ARMH3: variants seen among roughly 807,000 people sequenced by gnomAD.
The protein encoded by ARMH3 is armadillo-like helical domain-containing protein 3.
ARMH3 carries 60 observed loss-of-function variants against 99.1 expected under a neutral mutation model. The observed-to-expected ratio is 0.61, with a 90% CI of 0.49 to 0.75. ARMH3 has a LOEUF of 0.75. Ranked by LOEUF, ARMH3 falls within the 30% of genes least tolerant of loss-of-function variation. ARMH3 has a pLI of 0.00. For missense variants in ARMH3, 679 were observed against 843.1 expected (o/e 0.81, Z 2.41); for synonymous variants, 285 against 292.8 (o/e 0.97, Z 0.27).
intron 23 of ARMH3, among the ~76,000 whole-genome samples, chr10:101,931,925 T>G (rs1356850928): frequency 6.6e-6 from 1 of 152,094 alleles, no homozygotes; most frequent in Non-Finnish European, 1.5e-5. Flanking sequence ...TTCATCAAAA[T>G]TAAAAACTTG....
At chr10:101,910,629 G>A (rs1258336020) in intron 23 of ARMH3, among the ~76,000 whole-genome samples, 4 of 151,976 alleles carry the variant, frequency 2.6e-5, no homozygotes, top group Non-Finnish European at 4.4e-5. Context: ...CTACTTGGGA[G>A]GCTGAGGCAT....
At chr10:101,935,658 T>C (rs1308251471) in intron 23 of ARMH3, among the ~76,000 whole-genome samples, 2 of 152,216 alleles carry the variant, frequency 1.3e-5, no homozygotes. Flanking sequence ...TCACAGCTGT[T>C]TGCTGTCTAA....
At chr10:101,987,248 T>C (rs1267485763) in intron 19 of ARMH3, among the ~76,000 whole-genome samples, 1 of 152,106 alleles carries the variant, frequency 6.6e-6, no homozygotes, top group Non-Finnish European at 1.5e-5. Context: ...TGCTCTATTC[T>C]CCAAACATAC....
intron 23 of ARMH3, among the ~76,000 whole-genome samples, chr10:101,910,116 T>A (rs1350474099): frequency 6.6e-6 from 1 of 152,110 alleles, no homozygotes; most frequent in Admixed American, 6.6e-5. Context: ...CCCTGGCAAG[T>A]CAAAAACACT....
chr10:101,967,183 G>A (rs529480299), intron 20 of ARMH3, among the ~76,000 whole-genome samples: 1 of 152,176 alleles, frequency 6.6e-6, no homozygotes, highest in East Asian at 1.9e-4. Context: ...TAATTTCACA[G>A]TGACTAATAA....
At chr10:101,934,259 T>C (rs578000902) in intron 23 of ARMH3, among the ~76,000 whole-genome samples, 2 of 152,202 alleles carry the variant, frequency 1.3e-5, no homozygotes, top group Non-Finnish European at 2.9e-5. Context: ...TGCGCACCCA[T>C]GTATGAGGGG....
chr10:101,848,275 G>A (rs1001632239), intron 25 of ARMH3, among the ~76,000 whole-genome samples: 2 of 152,098 alleles, frequency 1.3e-5, no homozygotes, highest in South Asian at 2.1e-4. Flanking sequence ...AGTCTGGGGC[G>A]TATCCTTGCT....
At chr10:102,038,477 T>A (rs1417552618) in intron 2 of ARMH3, among the ~76,000 whole-genome samples, 1 of 152,186 alleles carries the variant, frequency 6.6e-6, no homozygotes, top group East Asian at 1.9e-4. Context: ...GTATTAATCT[T>A]CTGCACTCTG....
intron 23 of ARMH3, among the ~76,000 whole-genome samples, chr10:101,898,059 C>T (rs1473493907): frequency 6.6e-6 from 1 of 152,068 alleles, no homozygotes; most frequent in Non-Finnish European, 1.5e-5. Context: ...GGAAATGTTC[C>T]TTTAACAATG....
chr10:101,977,905 C>T (rs1846078220), intron 19 of ARMH3, among the ~76,000 whole-genome samples: 1 of 152,198 alleles, frequency 6.6e-6, no homozygotes, highest in South Asian at 2.1e-4. Context: ...GTCTTCAGAA[C>T]TGTGAACCTA....
At chr10:101,878,000 A>C (rs752752721) in intron 24 of ARMH3, among the ~76,000 whole-genome samples, 20 of 152,092 alleles carry the variant, frequency 1.3e-4, no homozygotes, top group Non-Finnish European at 2.5e-4. Context: ...GCTCACACCT[A>C]TAATCCCAGC....
chr10:101,999,834 C>T (rs953290815), intron 15 of ARMH3, among the ~76,000 whole-genome samples: 5 of 152,054 alleles, frequency 3.3e-5, no homozygotes, highest in Non-Finnish European at 5.9e-5. Context: ...CCTGTAATCC[C>T]GGCACTTTGG....
At chr10:101,986,667 C>T (rs371809485) in intron 19 of ARMH3, among the ~76,000 whole-genome samples, 1 of 151,984 alleles carries the variant, frequency 6.6e-6, no homozygotes, top group African/African-American at 2.4e-5. Flanking sequence ...TGTATACTGC[C>T]GAAAAGGGGT....
In ARMH3 at chr10:101,975,225, C is replaced by A. The variant is rs1299906017; in HGVS notation, c.1482G>T (p.Arg494=). 2 of 1,611,944 alleles carry A rather than the reference C, an allele frequency of 1.2e-6. No individual in the cohort carries two copies. Among genetic ancestry groups the A allele is most frequent in the East Asian group, 4.5e-5 (2 of 44,822 alleles). ...AGAGAAAGTTACCTGACCAGAGCTC[C>A]CGCCAGGTGTAATGCAGGCGTACCC... The part of the protein sequence containing the change: ...KCRVRLHYTW[R]ELWSALINLL... Residue 494 remains arginine (R), a synonymous_variant, in exon 20 of 26, where the codon CGG becomes CGT. Coordinates refer to ENST00000370033, the MANE Select transcript of ARMH3 (RefSeq NM_024541.3).
At chr10:101,964,596 A>C (rs1845453832) in intron 20 of ARMH3, among the ~76,000 whole-genome samples, 1 of 152,250 alleles carries the variant, frequency 6.6e-6, no homozygotes, top group Non-Finnish European at 1.5e-5. Context: ...TGAAGATATT[A>C]TTCTAAGTGA....
intron 17 of ARMH3, among the ~76,000 whole-genome samples, chr10:101,993,061 A>G (rs2136016553): frequency 6.6e-6 from 1 of 152,094 alleles, no homozygotes; most frequent in South Asian, 2.1e-4. Flanking sequence ...ATCTGAGGTC[A>G]GGAGCTGGAG....
At chr10:101,896,117 G>GC (rs1179206470) in intron 23 of ARMH3, among the ~76,000 whole-genome samples, 2 of 152,190 alleles carry the variant, frequency 1.3e-5, no homozygotes, top group Admixed American at 1.3e-4. Context: ...GGTAGTCCCA[G>GC]CTACTTGGGA....
At chr10:101,993,387 C>G (rs1394049046) in intron 17 of ARMH3, 151 bp downstream of exon 17, 2 of 474,410 alleles carry the variant, frequency 4.2e-6, no homozygotes, top group Non-Finnish European at 3.8e-6. Flanking sequence ...ATCCCAACAA[C>G]AAGCATGGGT....
intron 5 of ARMH3, 97 bp downstream of exon 5, chr10:102,029,541 T>A (rs781020564): frequency 1.1e-4 from 172 of 1,611,442 alleles, no homozygotes; most frequent in Non-Finnish European, 1.4e-4. Context: ...TGTATCTTTC[T>A]GAGTCCAAAT....
Sources: allele counts gnomAD v4.1 joint callset (sites outside exome capture counted in the v4.1 genomes callset), GRCh38; gene constraint gnomAD v4.1.1; transcripts MANE v1.5; gene names NCBI Gene and HGNC (gene_info 2026-07-23, HGNC 2026-07-21).